CCNB1IP1: variants seen among roughly 807,000 people sequenced by gnomAD.
CCNB1IP1 encodes E3 ubiquitin-protein ligase CCNB1IP1.
CCNB1IP1 carries 14 observed loss-of-function variants against 25.6 expected under a neutral mutation model. That is an observed-to-expected ratio of 0.55 (90% CI 0.36 to 0.85). CCNB1IP1 has a LOEUF of 0.85. CCNB1IP1 is among the 40% of genes least tolerant of loss of function. The pLI, the probability that CCNB1IP1 is intolerant of heterozygous loss-of-function variation, is 0.01. For synonymous variants in CCNB1IP1, 119 were observed against 116.1 expected (o/e 1.02, Z -0.16); for missense variants, 278 against 342.4 (o/e 0.81, Z 1.48).
At chr14:20,330,428 C>T (rs1179978953) in intron 1 of CCNB1IP1, 1 of 152,116 alleles carries the variant, frequency 6.6e-6, no homozygotes, top group Non-Finnish European at 1.5e-5. Context: ...GAAGCCCAAA[C>T]CTCAGCATCA....
chr14:20,311,493 T>G lies in CCNB1IP1; in HGVS notation c.*57A>C. Reference sequence around the variant, plus strand: ...TCAGACTCCTGGGCTCAAGTGATCCTCCCAGCCTCAACCTCCTAAGTAGCT... The same window carrying G: ...TCAGACTCCTGGGCTCAAGTGATCCGCCCAGCCTCAACCTCCTAAGTAGCT... On this transcript the variant is annotated 3_prime_UTR_variant, in exon 7 of 7. Coordinates refer to ENST00000358932, the MANE Select transcript of CCNB1IP1 (RefSeq NM_021178.5). The G allele has an allele frequency of 6.7e-7, 1 of 1,482,626 alleles. No homozygotes were observed. Among genetic ancestry groups the G allele is most frequent in the Non-Finnish European group, 9.4e-7 (1 of 1,063,248 alleles). 91.8% of individuals were successfully genotyped at this position (1,482,626 alleles called of 1,614,324 possible). A position where few individuals can be genotyped will look rare whatever the true frequency, so the allele number is the denominator to read the frequency against.
intron 3 of CCNB1IP1, 81 bp from the exon 4 acceptor site, chr14:20,325,734 C>T (rs45451995): frequency 6.6e-6 from 1 of 151,878 alleles, no homozygotes. Flanking sequence ...GTATTTCACC[C>T]TTCTTTCTAC....
intron 4 of CCNB1IP1, among the ~76,000 whole-genome samples, chr14:20,317,051 G>C (rs551918360): frequency 2.0e-5 from 3 of 152,118 alleles, no homozygotes; most frequent in South Asian, 2.1e-4. Flanking sequence ...AGAGGTTGCA[G>C]TGAAGTGAGA....
chr14:20,328,411 C>T (rs1009051825), intron 2 of CCNB1IP1, among the ~76,000 whole-genome samples: 2 of 152,154 alleles, frequency 1.3e-5, no homozygotes, highest in Non-Finnish European at 2.9e-5. Flanking sequence ...TATTTTACTC[C>T]TTCCTTGCCC....
intron 4 of CCNB1IP1, chr14:20,317,473 G>A (rs1382766414): frequency 6.6e-6 from 1 of 152,138 alleles, no homozygotes; most frequent in East Asian, 1.9e-4. Context: ...TATCCCAATA[G>A]CCCCGCTGAG....
intron 5 of CCNB1IP1, among the ~76,000 whole-genome samples, chr14:20,314,972 T>C (rs1882631013): frequency 6.7e-6 from 1 of 149,352 alleles, no homozygotes; most frequent in Non-Finnish European, 1.5e-5. Context: ...GCGCCTGTAG[T>C]CCCAGCTACT....
intron 4 of CCNB1IP1, among the ~76,000 whole-genome samples, chr14:20,321,505 T>G (rs542845788): frequency 6.6e-6 from 1 of 151,816 alleles, no homozygotes; most frequent in Non-Finnish European, 1.5e-5. Flanking sequence ...CATGCTGGAG[T>G]GCAGTGGCAC....
Position 20,323,673 on chromosome 14 carries a change from A to C in CCNB1IP1, c.-38+1866T>G, listed in dbSNP as rs372189671. Among the ~76,000 whole-genome samples the C allele has an allele frequency of 7.2e-5, 11 of 152,268 alleles. No individual in the cohort carries two copies. In the South Asian group the frequency reaches 2.3e-3, roughly 32 times the overall value. On this transcript the variant is annotated intron_variant, in intron 4 of 6. Coordinates refer to ENST00000358932, the MANE Select transcript of CCNB1IP1 (RefSeq NM_021178.5). Reference sequence around the variant, plus strand: ...GCCGGGCGTGGTGGCTCACGCCTATAATCCCAGCACTTTGGGAGGCCGAGG... The same window carrying C: ...GCCGGGCGTGGTGGCTCACGCCTATCATCCCAGCACTTTGGGAGGCCGAGG...
rs1276480244 is a variant in CCNB1IP1, at chr14:20,311,758, G to A, written c.632-6C>T. 5 of 1,607,418 alleles carry A rather than the reference G, an allele frequency of 3.1e-6. No individual in the cohort carries two copies. Among genetic ancestry groups the A allele is most frequent in the Non-Finnish European group, 4.3e-6 (5 of 1,175,824 alleles). On this transcript the variant is annotated splice_region_variant and splice_polypyrimidine_tract_variant and intron_variant, in intron 6 of 6. Transcript: ENST00000358932. ...AGGAAACTTGGAGTTGTTACCTAGG[G>A]CAGAAAAAAAGGAAAAACATAATTT...
intron 2 of CCNB1IP1, among the ~76,000 whole-genome samples, chr14:20,327,456 G>T (rs1202414464): frequency 6.6e-6 from 1 of 151,268 alleles, no homozygotes; most frequent in Non-Finnish European, 1.5e-5. Flanking sequence ...ACCCAAGTCT[G>T]CCACAAGATG....
chr14:20,323,741 C>T (rs1882972411), intron 4 of CCNB1IP1, among the ~76,000 whole-genome samples: 1 of 151,666 alleles, frequency 6.6e-6, no homozygotes, highest in Non-Finnish European at 1.5e-5. Flanking sequence ...ACGGTGAAAC[C>T]CCGTCTCTAC....
rs184900719 is a variant in CCNB1IP1 at position 20,326,813 on chromosome 14, T to C, written c.-230-20A>G. On this transcript the variant is annotated intron_variant, in intron 2 of 6. Transcript: ENST00000358932. ...TCATTTCTGGAAAATTTAAAAAACA[T>C]AAATAAATTCACAAAGGTTATGATT... 1 of 259,222 alleles carries C rather than the reference T, an allele frequency of 3.9e-6. No individual in the cohort carries two copies. Among genetic ancestry groups the C allele is most frequent in the African/African-American group, 2.2e-5 (1 of 44,970 alleles). The allele number at this position is 259,222 out of a possible 1,614,324, so 16.1% of individuals were successfully genotyped here. A position where few individuals can be genotyped will look rare whatever the true frequency, so the allele number is the denominator to read the frequency against.
Position 20,316,533 on chromosome 14 carries a change from G to C in CCNB1IP1, c.-10C>G, listed in dbSNP as rs751166136. 1.0e-5 allele frequency: 16 copies of C among 1,594,986 alleles called. No individual in the cohort carries two copies. In the African/African-American group the frequency reaches 1.5e-4, roughly 15 times the overall value. Reference sequence around the variant, plus strand: ...CTTCACACAAAGACATAATAGGATAGTGAGGTCTCCAGAAGCTGAAGAGAG... The same window carrying C: ...CTTCACACAAAGACATAATAGGATACTGAGGTCTCCAGAAGCTGAAGAGAG... On this transcript the variant is annotated 5_prime_UTR_variant, in exon 5 of 7. Coordinates refer to ENST00000358932, the MANE Select transcript of CCNB1IP1 (RefSeq NM_021178.5).
chr14:20,322,713 C>T (rs1392943305), intron 4 of CCNB1IP1, among the ~76,000 whole-genome samples: 1 of 151,596 alleles, frequency 6.6e-6, no homozygotes, highest in Non-Finnish European at 1.5e-5. Context: ...ATCTCCACCT[C>T]CCGGGTTCAA....
intron 6 of CCNB1IP1, among the ~76,000 whole-genome samples, chr14:20,311,996 A>G (rs1882506281): frequency 6.6e-6 from 1 of 152,246 alleles, no homozygotes; most frequent in Admixed American, 6.5e-5. Context: ...AATATCAATT[A>G]GCATAGGCTT....
chr14:20,325,187 C>T (rs1393331813), intron 4 of CCNB1IP1, among the ~76,000 whole-genome samples: 1 of 150,228 alleles, frequency 6.7e-6, no homozygotes, highest in Non-Finnish European at 1.5e-5. Context: ...TTTGGGAGGC[C>T]GAGGCGGGCG....
intron 1 of CCNB1IP1, among the ~76,000 whole-genome samples, chr14:20,330,228 A>G (rs1388423969): frequency 2.0e-5 from 3 of 152,138 alleles, no homozygotes; most frequent in Non-Finnish European, 4.4e-5. Context: ...GTTCTCACTT[A>G]TAAGTGGGAG....
At chr14:20,322,342 G>C (rs1235495642) in intron 4 of CCNB1IP1, among the ~76,000 whole-genome samples, 2 of 151,860 alleles carry the variant, frequency 1.3e-5, no homozygotes, top group Non-Finnish European at 2.9e-5. Flanking sequence ...CCCACACCCA[G>C]AGACTAGGTT....
intron 2 of CCNB1IP1, among the ~76,000 whole-genome samples, chr14:20,328,009 A>G (rs137884112): frequency 0.012 from 1,772 of 152,332 alleles, 17 homozygotes; most frequent in Non-Finnish European, 0.015. Flanking sequence ...CATTTCCATC[A>G]TAACAGAAGG....
Sources: allele counts gnomAD v4.1 joint callset (sites outside exome capture counted in the v4.1 genomes callset), GRCh38; gene constraint gnomAD v4.1.1; transcripts MANE v1.5; gene names NCBI Gene and HGNC (gene_info 2026-07-23, HGNC 2026-07-21).